Variants in DEFA5 observed in about 807,000 individuals in gnomAD.
The protein encoded by DEFA5 is defensin alpha 5, also known as HD5(20-94).
Under a neutral mutation model 8.7 loss-of-function variants are expected in DEFA5, and 11 were observed. The ratio of observed to expected loss-of-function variants is 1.26; its 90% CI spans 0.80 to 2.09. The LOEUF (loss-of-function observed/expected upper bound fraction) is 2.09. Ranked by LOEUF, DEFA5 falls within the 30% of genes most tolerant of loss-of-function variation. The probability of loss-of-function intolerance (pLI) is 0.00; values close to 1 mark genes in which losing one functional copy is unlikely to be tolerated. For synonymous variants in DEFA5, 52 were observed against 43.9 expected, an observed-to-expected ratio of 1.18 and a Z score of -0.73; for missense variants, 181 against 117.2, an observed-to-expected ratio of 1.54 and a Z score of -2.52.
chr8:7,056,519 C>T lies in DEFA5; in HGVS notation c.172+7G>A. The T allele has an allele frequency of 6.2e-7, 1 of 1,604,460 alleles. No homozygotes were observed. Among genetic ancestry groups the T allele is most frequent in the Non-Finnish European group, 8.5e-7 (1 of 1,172,674 alleles). ...TTTTGCAGATGTGCAAGATTGATGT[C>T]TCCTACCTGAGGTTCTAAGAGCAGA... On this transcript the variant is annotated splice_region_variant and intron_variant, in intron 1 of 1. Coordinates refer to ENST00000330590, the MANE Select transcript of DEFA5 (RefSeq NM_021010.3).
Position 7,056,720 on chromosome 8 carries a change from G to T in DEFA5, c.-23C>A. The T allele has an allele frequency of 6.3e-7, 1 of 1,597,734 alleles. No individual in the cohort carries two copies. Among genetic ancestry groups the T allele is most frequent in the Non-Finnish European group, 8.6e-7 (1 of 1,168,804 alleles). On this transcript the variant is annotated 5_prime_UTR_variant, in exon 1 of 2. Transcript: ENST00000330590. ...CATGGCTGGGGTCACCTGCAGGAGG[G>T]AGAGCAGGAGTGGATATGTGGGGAG...
chr8:7,056,014 C>CTTTTTTTTTTTTTTTTTTTTTTTTTTTT (rs56220551), intron 1 of DEFA5, among the ~76,000 whole-genome samples: 3 of 112,946 alleles, frequency 2.7e-5, no homozygotes, highest in Non-Finnish European at 3.4e-5. Flanking sequence ...TCTGTCTCTC[C>CTTTTTTTTTTTTTTTTTTTTTTTTTTTT]TTTTTTTTTT....
chr8:7,055,598 C>T lies in DEFA5; in HGVS notation c.173-55G>A, dbSNP rs535897120. On this transcript the variant is annotated intron_variant, in intron 1 of 1. Transcript: ENST00000330590. ...CGAGGGAGGTGGGAAAAAGGACAAG[C>T]ACAGCCAGACTAACTGAGATAGTCT... The T allele has an allele frequency of 4.8e-4, 552 of 1,155,498 alleles. 1 individual carries two copies. The Middle Eastern group carries it at 9.5e-3, about 20-fold the overall frequency. The allele number at this position is 1,155,498 out of a possible 1,614,324, so 71.6% of individuals were successfully genotyped here.
chr8:7,055,694 T>C, intron 1 of DEFA5, 151 bp from the exon 2 acceptor site: 1 of 628,664 alleles, frequency 1.6e-6, no homozygotes, highest in South Asian at 1.8e-5. Context: ...TGACAAGAAA[T>C]CTTACTAGCT....
In DEFA5 at chr8:7,055,490, C is replaced by G; in HGVS notation, c.226G>C (p.Glu76Gln). ...ATTTCACACACCCCGGAGAGGGACT[C>G]ACGGGTAGCACAACGGCCGGTTCGG... ...YCRTGRCATRESLSGVCEISG... is the reference protein window; with the variant it reads ...YCRTGRCATRQSLSGVCEISG... Residue 76 changes from glutamate to glutamine, a missense_variant, in exon 2 of 2, where the codon GAG becomes CAG. By Grantham distance (29) the Glu-to-Gln change is conservative. Transcript: ENST00000330590. 6.2e-7 allele frequency: 1 copy of G among 1,613,822 alleles called. No homozygotes were observed.
chr8:7,055,422 C>A lies in DEFA5; in HGVS notation c.*9G>T. The A allele has an allele frequency of 6.2e-7, 1 of 1,610,474 alleles. No homozygotes were observed. The highest frequency in any genetic ancestry group is 8.5e-7 in the Non-Finnish European group (1 of 1,177,366). ...AATCTTGCACTGCTTTGGTTTCTAT[C>A]TAGGAAGCTCAGCGACAGCAGAGTC... On this transcript the variant is annotated 3_prime_UTR_variant, in exon 2 of 2. Transcript: ENST00000330590.
chr8:7,056,711 T>C lies in DEFA5; in HGVS notation c.-14A>G. ...GATGGTCCTCATGGCTGGGGTCACC[T>C]GCAGGAGGGAGAGCAGGAGTGGATA... On this transcript the variant is annotated 5_prime_UTR_variant, in exon 1 of 2. Transcript: ENST00000330590. 1 of 1,603,402 alleles carries C rather than the reference T, an allele frequency of 6.2e-7. No individual in the cohort carries two copies. The highest frequency in any genetic ancestry group is 8.5e-7 in the Non-Finnish European group (1 of 1,172,654).
chr8:7,056,717 A>C lies in DEFA5; in HGVS notation c.-20T>G. On this transcript the variant is annotated 5_prime_UTR_variant, in exon 1 of 2. Transcript: ENST00000330590. ...CCTCATGGCTGGGGTCACCTGCAGG[A>C]GGGAGAGCAGGAGTGGATATGTGGG... The C allele has an allele frequency of 1.2e-6, 2 of 1,601,098 alleles. No individual in the cohort carries two copies. The highest frequency in any genetic ancestry group is 1.7e-6 in the Non-Finnish European group (2 of 1,171,266).
intron 1 of DEFA5, 27 bp from the exon 2 acceptor site, chr8:7,055,570 C>G (rs746298964): frequency 1.3e-6 from 2 of 1,522,864 alleles, no homozygotes; most frequent in South Asian, 1.2e-5. Flanking sequence ...GGGTCAGGCA[C>G]AGCGAGGGAG....
Position 7,056,686 on chromosome 8 carries a change from G to T in DEFA5, c.12C>A (p.Ile4=), listed in dbSNP as rs373087826. 2 of 1,612,268 alleles carry T rather than the reference G, an allele frequency of 1.2e-6. No homozygotes were observed. Among genetic ancestry groups the T allele is most frequent in the African/African-American group, 2.7e-5 (2 of 74,896 alleles). Reference sequence around the variant, plus strand: ...CCAGGAGAATGGCAGCAAGGATGGCGATGGTCCTCATGGCTGGGGTCACCT... The same window carrying T: ...CCAGGAGAATGGCAGCAAGGATGGCTATGGTCCTCATGGCTGGGGTCACCT... The part of the protein sequence containing the change: MRT[I]AILAAILLVA... Residue 4 remains isoleucine, a synonymous_variant, in exon 1 of 2, where the codon ATC becomes ATA. Transcript: ENST00000330590.
At chr8:7,056,415 G>T in intron 1 of DEFA5, 111 bp downstream of exon 1, 2 of 1,113,188 alleles carry the variant, frequency 1.8e-6, no homozygotes, top group Non-Finnish European at 2.5e-6. Context: ...GGTCCAGGAA[G>T]ATTAAGTAAA....
intron 1 of DEFA5, among the ~76,000 whole-genome samples, chr8:7,056,014 CT>C (rs56220551): frequency 0.02 from 2,274 of 112,744 alleles, 32 homozygotes; most frequent in African/African-American, 0.051. Flanking sequence ...TCTGTCTCTC[CT>C]TTTTTTTTTT....
Position 7,056,669 on chromosome 8 carries a change from A to G in DEFA5, c.29T>C (p.Ile10Thr). MRTIAILAA[I>T]LLVALQAQAE... ...CTGGGCCTGCAGGGCCACCAGGAGA[A>G]TGGCAGCAAGGATGGCGATGGTCCT... is the stretch of plus-strand genomic sequence containing the variant. Residue 10 changes from isoleucine (I) to threonine (T), a missense_variant, in exon 1 of 2, where the codon ATT (isoleucine) becomes ACT (threonine). By Grantham distance (89) the Ile-to-Thr change is moderately conservative. Coordinates refer to ENST00000330590, the MANE Select transcript of DEFA5 (RefSeq NM_021010.3). The G allele has an allele frequency of 6.2e-7, 1 of 1,613,458 alleles. No individual in the cohort carries two copies. The highest frequency in any genetic ancestry group is 1.1e-5 in the South Asian group (1 of 90,964).
At chr8:7,056,222 A>G (rs1271013993) in intron 1 of DEFA5, among the ~76,000 whole-genome samples, 1 of 152,188 alleles carries the variant, frequency 6.6e-6, no homozygotes, top group East Asian at 1.9e-4. Flanking sequence ...TGGACAAAGT[A>G]AAACACTCTC....
intron 1 of DEFA5, 135 bp downstream of exon 1, chr8:7,056,391 G>T: frequency 1.2e-6 from 1 of 868,588 alleles, no homozygotes; most frequent in Non-Finnish European, 1.7e-6. Flanking sequence ...TTAATTTATA[G>T]ATGAGAAAAT....
intron 1 of DEFA5, 86 bp from the exon 2 acceptor site, chr8:7,055,629 A>G (rs1186476985): frequency 1.0e-4 from 86 of 848,742 alleles, no homozygotes; most frequent in Non-Finnish European, 2.0e-6. Flanking sequence ...AGTCTAAATA[A>G]GAGACACTGT....
Position 7,055,504 on chromosome 8 carries a change from C to T in DEFA5, c.212G>A (p.Arg71His), listed in dbSNP as rs7839771. The T allele has an allele frequency of 0.013, 21,477 of 1,613,356 alleles. 172 individuals are homozygous for T. The highest frequency in any genetic ancestry group is 0.016 in the Non-Finnish European group (19,060 of 1,179,578). ...ARATCYCRTG[R>H]CATRESLSGV... ...GGAGAGGGACTCACGGGTAGCACAA[C>T]GGCCGGTTCGGCAATAGCAGGTGGC... Residue 71 changes from arginine to histidine, a missense_variant, in exon 2 of 2, where the codon CGT becomes CAT. Arg to His is a conservative substitution (Grantham distance 29). Transcript: ENST00000330590.
intron 1 of DEFA5, among the ~76,000 whole-genome samples, chr8:7,056,203 C>A (rs894809603): frequency 6.6e-6 from 1 of 152,080 alleles, no homozygotes; most frequent in Non-Finnish European, 1.5e-5. Flanking sequence ...GTTCTAAAAG[C>A]TTTTCCAATG....
At chr8:7,056,329 C>G (rs918893026) in intron 1 of DEFA5, among the ~76,000 whole-genome samples, 197 bp downstream of exon 1, 4 of 152,096 alleles carry the variant, frequency 2.6e-5, no homozygotes, top group Admixed American at 1.3e-4. Flanking sequence ...TATCTTGGAA[C>G]TGAAAGTCTT....
Sources: gnomAD v4.1 joint callset for allele counts (sites outside exome capture counted in the v4.1 genomes callset) on GRCh38, gnomAD v4.1.1 for gene constraint, MANE v1.5 for transcripts, NCBI Gene and HGNC (gene_info 2026-07-23, HGNC 2026-07-21) for gene names.